Variants in NMNAT3 observed in about 807,000 individuals in gnomAD.
NMNAT3 encodes the protein nicotinamide/nicotinic acid mononucleotide adenylyltransferase 3.
A neutral mutation model predicts 24.8 loss-of-function variants in NMNAT3; 21 were observed. The ratio of observed to expected loss-of-function variants is 0.85; its 90% confidence interval spans 0.60 to 1.22. The LOEUF (loss-of-function observed/expected upper bound fraction) is 1.22, where lower values mean the gene tolerates loss of function less well. NMNAT3 is among the 50% of genes most tolerant of loss of function. The pLI, the probability that NMNAT3 is intolerant of heterozygous loss-of-function variation, is 0.00. For synonymous variants in NMNAT3, 136 were observed against 155.2 expected (o/e 0.88, Z 0.92); for missense variants, 387 against 436.6 (o/e 0.89, Z 1.01).
Position 139,572,684 on chromosome 3 carries a change from C to G in NMNAT3, c.658+914G>C, listed in dbSNP as rs1938588362. 2.0e-5 allele frequency among the ~76,000 whole-genome samples: 3 copies of G among 152,106 alleles called. No individual in the cohort carries two copies. The South Asian group carries it at 6.2e-4, about 32-fold the overall frequency. On this transcript the variant is annotated intron_variant, in intron 6 of 6. Transcript: ENST00000643695. ...TGTTTCCCAATCTTGCTCTAGGAAGCACTAGTTCTGAAAAATACTAACAGA... is the reference window on the plus strand; with the variant it reads ...TGTTTCCCAATCTTGCTCTAGGAAGGACTAGTTCTGAAAAATACTAACAGA...
chr3:139,643,549 C>T (rs1305565145), intron 1 of NMNAT3, among the ~76,000 whole-genome samples: 1 of 152,094 alleles, frequency 6.6e-6, no homozygotes, highest in Non-Finnish European at 1.5e-5. Context: ...ATTATTTAGC[C>T]TTACAAGGAA....
intron 1 of NMNAT3, chr3:139,672,524 C>T (rs1171799654): frequency 1.3e-5 from 2 of 152,228 alleles, no homozygotes; most frequent in South Asian, 2.1e-4. Context: ...CTAAGAGCCA[C>T]ACAATTACAA....
At chr3:139,619,351 G>C (rs2055656236) in intron 3 of NMNAT3, among the ~76,000 whole-genome samples, 1 of 152,164 alleles carries the variant, frequency 6.6e-6, no homozygotes, top group Non-Finnish European at 1.5e-5. Context: ...ATAAAGGCAA[G>C]AGGGTGATTG....
chr3:139,664,883 G>A (rs1189909938), intron 1 of NMNAT3, among the ~76,000 whole-genome samples: 1 of 152,114 alleles, frequency 6.6e-6, no homozygotes, highest in Non-Finnish European at 1.5e-5. Context: ...AAAACAATAA[G>A]AGTCTGAGAT....
At chr3:139,659,997 T>C (rs544465819) in intron 1 of NMNAT3, among the ~76,000 whole-genome samples, 8 of 152,284 alleles carry the variant, frequency 5.3e-5, no homozygotes, top group African/African-American at 1.9e-4. Flanking sequence ...CTCTTGGTGG[T>C]TCTATTTCTT....
Position 139,677,904 on chromosome 3 carries a change from T to A in NMNAT3, c.-340A>T, listed in dbSNP as rs2057987118. The A allele has an allele frequency of 6.6e-6, 1 of 152,146 alleles. No homozygotes were observed. The highest frequency in any genetic ancestry group is 1.5e-5 in the Non-Finnish European group (1 of 68,064). 9.4% of individuals were successfully genotyped at this position (152,146 alleles called of 1,614,324 possible). ...CCTCAGGTCTAGATCCCCTAGTACC[T>A]GAGCTGGAGGCGGGGCCAAGGCGAA... is the stretch of plus-strand genomic sequence containing the variant. On this transcript the variant is annotated 5_prime_UTR_variant, in exon 1 of 7. Coordinates refer to ENST00000643695, the MANE Select transcript of NMNAT3 (RefSeq NM_001320510.2).
intron 3 of NMNAT3, among the ~76,000 whole-genome samples, chr3:139,600,544 G>A (rs946949230): frequency 6.6e-6 from 1 of 152,104 alleles, no homozygotes; most frequent in African/African-American, 2.4e-5. Flanking sequence ...CTGACCTCAG[G>A]TGATCCACCC....
intron 3 of NMNAT3, among the ~76,000 whole-genome samples, chr3:139,592,338 T>G (rs2054234517): frequency 6.6e-6 from 1 of 152,184 alleles, no homozygotes; most frequent in Non-Finnish European, 1.5e-5. Context: ...CAAATCTACG[T>G]CTGATTGGTG....
At chr3:139,570,968 C>T (rs1407341285) in intron 6 of NMNAT3, 2 of 152,798 alleles carry the variant, frequency 1.3e-5, no homozygotes, top group Non-Finnish European at 2.9e-5. Flanking sequence ...AGGCAGGCCT[C>T]CTTGAGCTGT....
chr3:139,675,790 T>C (rs925682131), intron 1 of NMNAT3, among the ~76,000 whole-genome samples: 1 of 152,294 alleles, frequency 6.6e-6, no homozygotes, highest in Non-Finnish European at 1.5e-5. Flanking sequence ...GTATTTTAGG[T>C]CCTCATTAAA....
chr3:139,660,171 A>T (rs751826492), intron 1 of NMNAT3, among the ~76,000 whole-genome samples: 2 of 152,216 alleles, frequency 1.3e-5, no homozygotes, highest in Admixed American at 1.3e-4. Context: ...GAGTACAGAC[A>T]GGGTGGGTCG....
At chr3:139,601,072 A>T (rs1030240529) in intron 3 of NMNAT3, among the ~76,000 whole-genome samples, 1 of 152,182 alleles carries the variant, frequency 6.6e-6, no homozygotes, top group African/African-American at 2.4e-5. Flanking sequence ...GCAGCCAGGG[A>T]GCAGGCAGTG....
intron 1 of NMNAT3, among the ~76,000 whole-genome samples, chr3:139,638,539 C>A (rs1372723133): frequency 7.9e-6 from 1 of 127,380 alleles, no homozygotes; most frequent in Non-Finnish European, 1.6e-5. Context: ...CTTCTAGTGC[C>A]CAAATCACAA....
At chr3:139,596,916 GTATATATATATA>G (rs58824425) in intron 3 of NMNAT3, among the ~76,000 whole-genome samples, 1,863 of 97,090 alleles carry the variant, frequency 0.019, 56 homozygotes, top group Middle Eastern at 0.071. Context: ...TGTCATGTGT[GTATATATATATA>G]TATATATATA....
chr3:139,599,209 CAT>C, intron 3 of NMNAT3: 1 of 602,556 alleles, frequency 1.7e-6, no homozygotes, highest in South Asian at 2.1e-5. Context: ...AACAAAACTA[CAT>C]GTGTCAAAAC....
chr3:139,601,703 G>T (rs889733371), intron 3 of NMNAT3, among the ~76,000 whole-genome samples: 2 of 152,152 alleles, frequency 1.3e-5, no homozygotes, highest in Non-Finnish European at 2.9e-5. Context: ...GATGGGGTTG[G>T]GGGTGGGGGA....
intron 3 of NMNAT3, among the ~76,000 whole-genome samples, chr3:139,621,187 A>G (rs2055755397): frequency 6.6e-6 from 1 of 152,224 alleles, no homozygotes; most frequent in Non-Finnish European, 1.5e-5. Context: ...GTCCTTAGCC[A>G]TACTTGGTAT....
intron 1 of NMNAT3, among the ~76,000 whole-genome samples, chr3:139,657,173 C>CT (rs1559961815): frequency 6.6e-6 from 1 of 152,212 alleles, no homozygotes; most frequent in Non-Finnish European, 1.5e-5. Context: ...TCACTTCCCA[C>CT]TGCCTTTAGA....
chr3:139,590,872 T>C (rs995145058), intron 3 of NMNAT3, among the ~76,000 whole-genome samples: 7 of 152,322 alleles, frequency 4.6e-5, no homozygotes, highest in East Asian at 3.9e-4. Context: ...AGGGTTTTTC[T>C]TGGTCATTAG....
Sources: gnomAD v4.1 joint callset for allele counts (sites outside exome capture counted in the v4.1 genomes callset) on GRCh38, gnomAD v4.1.1 for gene constraint, MANE v1.5 for transcripts, NCBI Gene and HGNC (gene_info 2026-07-23, HGNC 2026-07-21) for gene names.